The following NRG1 variants were observed in gnomAD, a reference collection of about 807,000 sequenced individuals.
NRG1 encodes the protein neuregulin 1, also known as pro-neuregulin-1, membrane-bound isoform.
NRG1 carries 18 observed loss-of-function variants against 63.8 expected under a neutral mutation model. The observed-to-expected ratio is 0.28, with a 90% confidence interval of 0.19 to 0.42. The LOEUF (loss-of-function observed/expected upper bound fraction) is 0.42, where lower values mean the gene tolerates loss of function less well. Ranked by LOEUF, NRG1 falls within the 10% of genes least tolerant of loss-of-function variation. The pLI, the probability that NRG1 is intolerant of heterozygous loss-of-function variation, is 1.00. For synonymous variants in NRG1, 302 were observed against 301.3 expected, an observed-to-expected ratio of 1.00 and a Z score of -0.02; for missense variants, 762 against 814.7, an observed-to-expected ratio of 0.94 and a Z score of 0.79.
chr8:31,967,590 G>A (rs942497089), intron 1 of NRG1, among the ~76,000 whole-genome samples: 2 of 152,206 alleles, frequency 1.3e-5, no homozygotes, highest in Non-Finnish European at 1.5e-5. Flanking sequence ...TTAAGGCTTA[G>A]CATGCAATCA....
chr8:31,765,122 G>T (rs916383006), intron 1 of NRG1, among the ~76,000 whole-genome samples: 1 of 151,136 alleles, frequency 6.6e-6, no homozygotes, highest in Admixed American at 6.6e-5. Context: ...TTCAATTTTG[G>T]TGTTCACATA....
intron 1 of NRG1, among the ~76,000 whole-genome samples, chr8:32,492,329 A>G (rs955251141): frequency 2.6e-5 from 4 of 152,068 alleles, no homozygotes; most frequent in Non-Finnish European, 5.9e-5. Context: ...GACCTGTGTG[A>G]CATTTGGTAT....
intron 1 of NRG1, among the ~76,000 whole-genome samples, chr8:32,389,785 G>A (rs1430232116): frequency 6.7e-6 from 1 of 148,632 alleles, no homozygotes; most frequent in African/African-American, 2.5e-5. Flanking sequence ...TTTTGAAATG[G>A]AGTCTCACTC....
At chr8:32,122,845 A>G (rs560947822) in intron 1 of NRG1, among the ~76,000 whole-genome samples, 58 of 151,698 alleles carry the variant, frequency 3.8e-4, no homozygotes, top group Non-Finnish European at 6.5e-4. Flanking sequence ...TCATTGTTCA[A>G]TTCCCACCTG....
chr8:31,929,378 G>C (rs1381446094), intron 1 of NRG1, among the ~76,000 whole-genome samples: 2 of 151,762 alleles, frequency 1.3e-5, no homozygotes, highest in Non-Finnish European at 2.9e-5. Context: ...TACATGATTG[G>C]ACTTATTTAT....
intron 1 of NRG1, among the ~76,000 whole-genome samples, chr8:32,592,468 C>T (rs1766059866): frequency 6.6e-6 from 1 of 152,114 alleles, no homozygotes; most frequent in Non-Finnish European, 1.5e-5. Flanking sequence ...TTATTGATGA[C>T]ATTGATTTTA....
chr8:32,725,883 T>C (rs532902094), intron 5 of NRG1, among the ~76,000 whole-genome samples: 1 of 152,180 alleles, frequency 6.6e-6, no homozygotes, highest in African/African-American at 2.4e-5. Flanking sequence ...TTATATGCTG[T>C]GTGATATATA....
At chr8:32,318,711 T>A (rs1318270764) in intron 1 of NRG1, among the ~76,000 whole-genome samples, 1 of 152,216 alleles carries the variant, frequency 6.6e-6, no homozygotes, top group East Asian at 1.9e-4. Flanking sequence ...TTTGAAAATA[T>A]GTTATTTGTT....
At chr8:32,630,179 A>G (rs1382348111) in intron 5 of NRG1, among the ~76,000 whole-genome samples, 1 of 152,172 alleles carries the variant, frequency 6.6e-6, no homozygotes, top group African/African-American at 2.4e-5. Flanking sequence ...TGTGACCTCT[A>G]TGCTACTAGT....
At chr8:31,763,958 A>G (rs1013144665) in intron 1 of NRG1, among the ~76,000 whole-genome samples, 8 of 148,992 alleles carry the variant, frequency 5.4e-5, no homozygotes, top group Non-Finnish European at 1.0e-4. Context: ...GTGAGCCAAG[A>G]TCGCGCCACC....
intron 1 of NRG1, among the ~76,000 whole-genome samples, chr8:32,094,224 T>C (rs1043314994): frequency 2.0e-5 from 3 of 152,184 alleles, no homozygotes; most frequent in Non-Finnish European, 4.4e-5. Flanking sequence ...AAACCCAGCA[T>C]TGCTTACGTA....
chr8:32,716,808 G>A (rs1170611465), intron 5 of NRG1, among the ~76,000 whole-genome samples: 2 of 101,954 alleles, frequency 2.0e-5, no homozygotes, highest in East Asian at 2.4e-4. Context: ...GTGCATGTGT[G>A]TGTGTGCATG....
chr8:32,749,597 C>A (rs760584858), intron 7 of NRG1: 21 of 1,613,004 alleles, frequency 1.3e-5, no homozygotes, highest in Non-Finnish European at 1.5e-5. Flanking sequence ...ATGGACCAAT[C>A]ATCATTCCTT....
At chr8:32,014,723 C>CA (rs1563681042) in intron 1 of NRG1, among the ~76,000 whole-genome samples, 2 of 150,688 alleles carry the variant, frequency 1.3e-5, no homozygotes, top group African/African-American at 2.4e-5. Context: ...CAACCCCCCC[C>CA]CAAAAAAGAT....
intron 1 of NRG1, among the ~76,000 whole-genome samples, chr8:32,072,622 A>C (rs1825919560): frequency 6.6e-6 from 1 of 152,190 alleles, no homozygotes; most frequent in South Asian, 2.1e-4. Context: ...GATCAAAATG[A>C]CCTAACTCCA....
chr8:32,243,734 A>G (rs1306707892), intron 1 of NRG1, among the ~76,000 whole-genome samples: 2 of 152,026 alleles, frequency 1.3e-5, no homozygotes, highest in Admixed American at 6.6e-5. Context: ...GGTGTTTGAG[A>G]TGGGGCGTCT....
chr8:31,963,945 A>G (rs1208137632), intron 1 of NRG1, among the ~76,000 whole-genome samples: 1 of 152,190 alleles, frequency 6.6e-6, no homozygotes, highest in African/African-American at 2.4e-5. Flanking sequence ...TCCTGTTGGT[A>G]ACAGGTAGAA....
chr8:32,567,264 T>C (rs1837622312), intron 1 of NRG1, among the ~76,000 whole-genome samples: 1 of 152,220 alleles, frequency 6.6e-6, no homozygotes, highest in Non-Finnish European at 1.5e-5. Context: ...GGATGGACTT[T>C]ATAAACCAAA....
intron 1 of NRG1, among the ~76,000 whole-genome samples, chr8:32,145,186 G>T (rs1836738419): frequency 6.6e-6 from 1 of 152,092 alleles, no homozygotes; most frequent in South Asian, 2.1e-4. Flanking sequence ...TCTAATGACG[G>T]CCCAGAAAGG....
Sources: gnomAD v4.1 joint callset for allele counts (sites outside exome capture counted in the v4.1 genomes callset) on GRCh38, gnomAD v4.1.1 for gene constraint, MANE v1.5 for transcripts, NCBI Gene and HGNC (gene_info 2026-07-23, HGNC 2026-07-21) for gene names.